Variants in TAFA1 observed in about 807,000 individuals in gnomAD.
TAFA1 encodes chemokine-like protein TAFA-1.
In TAFA1, 4 loss-of-function variants were observed where a neutral mutation model predicts 18.5. The ratio of observed to expected loss-of-function variants is 0.22; its 90% CI spans 0.11 to 0.49. The LOEUF is 0.49. Ranked by LOEUF, TAFA1 falls within the 20% of genes least tolerant of loss-of-function variation. The pLI is 0.98. For missense variants in TAFA1, 147 were observed against 169.0 expected (o/e 0.87, Z 0.72); for synonymous variants, 56 against 55.2 (o/e 1.01, Z -0.06).
At chr3:68,018,920 A>C (rs748871358) in intron 2 of TAFA1, among the ~76,000 whole-genome samples, 117 of 152,298 alleles carry the variant, frequency 7.7e-4, no homozygotes, top group African/African-American at 2.2e-3. Flanking sequence ...TTCTTATGAT[A>C]TGACATTTGG....
At chr3:68,008,510 C>T (rs1704408364) in intron 2 of TAFA1, among the ~76,000 whole-genome samples, 1 of 152,148 alleles carries the variant, frequency 6.6e-6, no homozygotes, top group East Asian at 1.9e-4. Flanking sequence ...AATTTCTCCC[C>T]TTTCGCCCAG....
Position 68,258,373 on chromosome 3 carries a change from A to C in TAFA1, c.119-158907A>C, listed in dbSNP as rs79830164. Among the ~76,000 whole-genome samples, 857 of 152,314 alleles carry C rather than the reference A, an allele frequency of 5.6e-3. 46 individuals are homozygous for C. The East Asian group carries it at 0.11, about 20-fold the overall frequency. ...GTTGATGTATTCAAGTTGATGTAAT[A>C]TATTGGCTTCAATTGGTCAGGACTT... On this transcript the variant is annotated intron_variant, in intron 2 of 4. Coordinates refer to ENST00000478136, the MANE Select transcript of TAFA1 (RefSeq NM_213609.4).
intron 2 of TAFA1, among the ~76,000 whole-genome samples, chr3:68,211,633 G>T (rs2066598260): frequency 6.6e-6 from 1 of 152,040 alleles, no homozygotes; most frequent in African/African-American, 2.4e-5. Context: ...AAGAAAAGAG[G>T]TTTATTTGGC....
intron 2 of TAFA1, among the ~76,000 whole-genome samples, chr3:68,324,059 T>G (rs562039046): frequency 6.6e-6 from 1 of 152,314 alleles, no homozygotes; most frequent in South Asian, 2.1e-4. Flanking sequence ...CAAATTGTAG[T>G]ATATGCTTTC....
chr3:68,336,475 T>G (rs556879155), intron 2 of TAFA1, among the ~76,000 whole-genome samples: 1 of 152,352 alleles, frequency 6.6e-6, no homozygotes, highest in East Asian at 1.9e-4. Context: ...TATGTGAAAT[T>G]TCCTCTTCTC....
chr3:68,133,797 A>T (rs1018564565), intron 2 of TAFA1, among the ~76,000 whole-genome samples: 2 of 152,170 alleles, frequency 1.3e-5, no homozygotes, highest in African/African-American at 4.8e-5. Context: ...ATGGCAGTCC[A>T]TGGATGCCAA....
intron 2 of TAFA1, among the ~76,000 whole-genome samples, chr3:68,408,341 A>ATTTTAATGCTATTTCAT: frequency 6.6e-6 from 1 of 152,250 alleles, no homozygotes; most frequent in East Asian, 1.9e-4. Flanking sequence ...TTTTAAAGCT[A>ATTTTAATGCTATTTCAT]TTTCACTTAG....
intron 2 of TAFA1, among the ~76,000 whole-genome samples, chr3:68,035,514 C>T (rs975362108): frequency 2.0e-5 from 3 of 151,884 alleles, no homozygotes; most frequent in Non-Finnish European, 4.4e-5. Flanking sequence ...TAAAAAATTC[C>T]GATTAGAATG....
intron 2 of TAFA1, among the ~76,000 whole-genome samples, chr3:68,111,508 G>T (rs2065261507): frequency 6.6e-6 from 1 of 151,706 alleles, no homozygotes; most frequent in South Asian, 2.1e-4. Context: ...AGAGTAAAAT[G>T]GTAAATTAAT....
At chr3:68,521,241 C>G (rs1481253944) in intron 3 of TAFA1, among the ~76,000 whole-genome samples, 3 of 152,226 alleles carry the variant, frequency 2.0e-5, no homozygotes, top group Non-Finnish European at 4.4e-5. Flanking sequence ...CCCTCCCCAG[C>G]AGACCTTTGC....
At chr3:68,509,723 C>T (rs2072817703) in intron 3 of TAFA1, among the ~76,000 whole-genome samples, 1 of 152,056 alleles carries the variant, frequency 6.6e-6, no homozygotes, top group South Asian at 2.1e-4. Context: ...TTAGTTTGAT[C>T]CTTTTCAGAT....
intron 2 of TAFA1, among the ~76,000 whole-genome samples, chr3:68,153,831 G>C (rs149816069): frequency 6.6e-6 from 1 of 152,224 alleles, no homozygotes; most frequent in African/African-American, 2.4e-5. Flanking sequence ...TATTGCCTAC[G>C]TGTTGCTTAG....
intron 2 of TAFA1, among the ~76,000 whole-genome samples, chr3:68,174,024 C>G (rs2066092492): frequency 6.6e-6 from 1 of 152,028 alleles, no homozygotes; most frequent in Admixed American, 6.5e-5. Context: ...TAACTAAAAC[C>G]TCTTATAGAA....
chr3:68,044,614 T>C (rs1436859219), intron 2 of TAFA1, among the ~76,000 whole-genome samples: 1 of 152,208 alleles, frequency 6.6e-6, no homozygotes, highest in Non-Finnish European at 1.5e-5. Flanking sequence ...AACAATTTCA[T>C]CTTCTTACAT....
intron 2 of TAFA1, among the ~76,000 whole-genome samples, chr3:68,269,094 G>A (rs1180758491): frequency 3.3e-5 from 5 of 151,994 alleles, no homozygotes; most frequent in African/African-American, 4.8e-5. Context: ...AACTTTTGCT[G>A]AACTGTTTGA....
At chr3:68,112,636 A>C (rs1012620734) in intron 2 of TAFA1, among the ~76,000 whole-genome samples, 1 of 152,146 alleles carries the variant, frequency 6.6e-6, no homozygotes, top group African/African-American at 2.4e-5. Flanking sequence ...TAGATAGTTC[A>C]GTAATGCAAG....
rs1704672109 is a variant in TAFA1 at position 68,020,813 on chromosome 3, G to A, written c.118+14069G>A. Among the ~76,000 whole-genome samples the A allele has an allele frequency of 2.6e-5, 4 of 152,194 alleles. No homozygotes were observed. The South Asian group carries it at 8.3e-4, about 32-fold the overall frequency. ...CACATGTTCTAAGTCAATATAAACA[G>A]GTCAATGCTTATTGTATCCTTCCTT... On this transcript the variant is annotated intron_variant, in intron 2 of 4. Transcript: ENST00000478136.
the TAFA1 span, among the ~76,000 whole-genome samples, chr3:67,996,171 CCTT>C: frequency 6.6e-6 from 1 of 152,068 alleles, no homozygotes; most frequent in Non-Finnish European, 1.5e-5. Flanking sequence ...TTGAGTGAGT[CCTT>C]GGTAAACAAA....
At chr3:68,262,307 GTATATATA>G (rs763753757) in intron 2 of TAFA1, among the ~76,000 whole-genome samples, 1,529 of 31,732 alleles carry the variant, frequency 0.048, 64 homozygotes, top group Middle Eastern at 0.071. Flanking sequence ...GATATGGAGG[GTATATATA>G]TATATATATA....
Sources: gnomAD v4.1 joint callset for allele counts (sites outside exome capture counted in the v4.1 genomes callset) on GRCh38, gnomAD v4.1.1 for gene constraint, MANE v1.5 for transcripts, NCBI Gene and HGNC (gene_info 2026-07-23, HGNC 2026-07-21) for gene names.